Variants in DLGAP2 observed in about 807,000 individuals in gnomAD.
DLGAP2 encodes DLG associated protein 2.
A neutral mutation model predicts 100.3 loss-of-function variants in DLGAP2; 26 were observed. The observed-to-expected ratio is 0.26, with a 90% CI of 0.19 to 0.36. DLGAP2 has a LOEUF of 0.36. DLGAP2 is among the 10% of genes least tolerant of loss of function. DLGAP2 has a pLI of 1.00. For missense variants in DLGAP2, 1,858 were observed against 1,453.2 expected, an observed-to-expected ratio of 1.28 and a Z score of -4.53; for synonymous variants, 886 against 630.1, an observed-to-expected ratio of 1.41 and a Z score of -6.08.
At chr8:1,448,364 C>T (rs991234336) in intron 3 of DLGAP2, among the ~76,000 whole-genome samples, 1 of 152,136 alleles carries the variant, frequency 6.6e-6, no homozygotes, top group Non-Finnish European at 1.5e-5. Flanking sequence ...CATTCAGGAG[C>T]AGGTGGTTCA....
intron 3 of DLGAP2, among the ~76,000 whole-genome samples, chr8:1,445,751 G>A (rs925847946): frequency 6.6e-6 from 1 of 152,124 alleles, no homozygotes; most frequent in Non-Finnish European, 1.5e-5. Context: ...TCCAGCACCT[G>A]TTGTTTCCTG....
rs993807695 is a variant in DLGAP2 at position 1,194,066 on chromosome 8, G to T, written c.74-64785G>T. On this transcript the variant is annotated intron_variant, in intron 2 of 14. Transcript: ENST00000637795. Reference sequence around the variant, plus strand: ...TGTGACATTCAAGTCAACGTGACAGGTGTGAACTGGGATGCCGCAGTATAC... The same window carrying T: ...TGTGACATTCAAGTCAACGTGACAGTTGTGAACTGGGATGCCGCAGTATAC... Among the ~76,000 whole-genome samples, 43 of 152,176 alleles carry T rather than the reference G, an allele frequency of 2.8e-4. 1 individual carries two copies. Among genetic ancestry groups the T allele is most frequent in the African/African-American group, 1.0e-3 (42 of 41,450 alleles).
intron 1 of DLGAP2, among the ~76,000 whole-genome samples, chr8:742,456 G>C (rs917657564): frequency 2.6e-5 from 4 of 152,188 alleles, no homozygotes; most frequent in Admixed American, 6.5e-5. Flanking sequence ...AGGCGGTATT[G>C]AAAAACATCC....
At chr8:1,374,894 G>GT (rs1476663743) in intron 3 of DLGAP2, among the ~76,000 whole-genome samples, 1 of 152,144 alleles carries the variant, frequency 6.6e-6, no homozygotes, top group Non-Finnish European at 1.5e-5. Context: ...TGACTCGCCT[G>GT]TTTCACGAGT....
At chr8:914,957 G>T (rs996191832) in intron 2 of DLGAP2, among the ~76,000 whole-genome samples, 2 of 152,054 alleles carry the variant, frequency 1.3e-5, no homozygotes, top group African/African-American at 2.4e-5. Context: ...GTGTCAGGAG[G>T]GTAGATTTCT....
chr8:1,027,673 C>G (rs1430868440), intron 2 of DLGAP2, among the ~76,000 whole-genome samples: 671 of 29,174 alleles, frequency 0.023, no homozygotes, highest in Admixed American at 0.048. Context: ...TATTCTCCAG[C>G]TGGGGTGCCA....
chr8:1,539,406 C>T (rs1208064563), intron 4 of DLGAP2, among the ~76,000 whole-genome samples: 1 of 152,174 alleles, frequency 6.6e-6, no homozygotes, highest in African/African-American at 2.4e-5. Context: ...ACCATTACAA[C>T]ACTGGCGACT....
At chr8:1,348,870 C>T (rs1212836383) in intron 3 of DLGAP2, among the ~76,000 whole-genome samples, 1 of 152,202 alleles carries the variant, frequency 6.6e-6, no homozygotes, top group African/African-American at 2.4e-5. Flanking sequence ...CCATGTCCTG[C>T]TTGTGCCTTT....
chr8:803,682 G>A (rs1254301096), intron 1 of DLGAP2, among the ~76,000 whole-genome samples: 2 of 152,204 alleles, frequency 1.3e-5, no homozygotes, highest in African/African-American at 4.8e-5. Context: ...TCAATCCACT[G>A]GCCTTCCATG....
At chr8:850,338 T>C (rs906631080) in intron 1 of DLGAP2, among the ~76,000 whole-genome samples, 6 of 152,234 alleles carry the variant, frequency 3.9e-5, no homozygotes, top group Non-Finnish European at 8.8e-5. Flanking sequence ...CACCTGTTGC[T>C]ACAAGTTAAA....
chr8:847,693 G>A (rs1345413510), intron 1 of DLGAP2, among the ~76,000 whole-genome samples: 1 of 152,086 alleles, frequency 6.6e-6, no homozygotes, highest in Non-Finnish European at 1.5e-5. Flanking sequence ...TTTTAGTAGA[G>A]ACAGGGTTTC....
intron 4 of DLGAP2, among the ~76,000 whole-genome samples, chr8:1,522,997 A>G (rs114376980): frequency 0.012 from 1,837 of 152,342 alleles, 40 homozygotes; most frequent in African/African-American, 0.041. Flanking sequence ...CGTCAGCCAC[A>G]TAAACTAAGG....
chr8:1,486,430 C>T (rs1197198789), intron 3 of DLGAP2, among the ~76,000 whole-genome samples: 1 of 152,124 alleles, frequency 6.6e-6, no homozygotes, highest in African/African-American at 2.4e-5. Context: ...TAAAGGACTG[C>T]CATGTGGTGG....
intron 2 of DLGAP2, among the ~76,000 whole-genome samples, chr8:1,078,768 C>T (rs760356591): frequency 6.6e-6 from 1 of 152,152 alleles, no homozygotes; most frequent in Non-Finnish European, 1.5e-5. Context: ...GAATAACATT[C>T]CATTGTCTGA....
At chr8:1,407,411 G>A (rs1413186337) in intron 3 of DLGAP2, among the ~76,000 whole-genome samples, 12 of 104,296 alleles carry the variant, frequency 1.2e-4, no homozygotes, top group Non-Finnish European at 1.0e-4. Flanking sequence ...CTTACTGAGC[G>A]CCACCTCCTT....
intron 3 of DLGAP2, among the ~76,000 whole-genome samples, chr8:1,353,127 C>A (rs55888395): frequency 6.6e-6 from 1 of 152,150 alleles, no homozygotes; most frequent in South Asian, 2.1e-4. Flanking sequence ...TTGCAAATCC[C>A]TAAGGGTGTC....
chr8:1,313,351 TC>T (rs1228356563), intron 3 of DLGAP2, among the ~76,000 whole-genome samples: 2 of 152,188 alleles, frequency 1.3e-5, no homozygotes, highest in Admixed American at 1.3e-4. Context: ...AACAAATTTG[TC>T]TTCTTCACCA....
chr8:1,510,346 G>GC (rs1261978219), intron 4 of DLGAP2, among the ~76,000 whole-genome samples: 1 of 152,196 alleles, frequency 6.6e-6, no homozygotes, highest in African/African-American at 2.4e-5. Flanking sequence ...CAGCCTCGTT[G>GC]CCCCAGATGT....
intron 1 of DLGAP2, among the ~76,000 whole-genome samples, chr8:787,074 T>C (rs569751404): frequency 6.6e-6 from 1 of 152,322 alleles, no homozygotes; most frequent in South Asian, 2.1e-4. Context: ...CCACAGAACT[T>C]GGAATATTAT....
Sources: gnomAD v4.1 joint callset for allele counts (sites outside exome capture counted in the v4.1 genomes callset) on GRCh38, gnomAD v4.1.1 for gene constraint, MANE v1.5 for transcripts, NCBI Gene and HGNC (gene_info 2026-07-23, HGNC 2026-07-21) for gene names.